GRIP1: variants seen among roughly 807,000 people sequenced by gnomAD.
The protein encoded by GRIP1 is glutamate receptor interacting protein 1.
Under a neutral mutation model 129.9 loss-of-function variants are expected in GRIP1, and 45 were observed. The ratio of observed to expected loss-of-function variants is 0.35; its 90% CI spans 0.27 to 0.44. GRIP1 has a LOEUF of 0.44. GRIP1 is among the 20% of genes least tolerant of loss of function. The pLI, the probability that GRIP1 is intolerant of heterozygous loss-of-function variation, is 1.00. For synonymous variants in GRIP1, 530 were observed against 520.8 expected (o/e 1.02, Z -0.24); for missense variants, 1,196 against 1,396.8 (o/e 0.86, Z 2.29).
At chr12:66,999,343 T>C (rs17103139) in intron 1 of GRIP1, among the ~76,000 whole-genome samples, 17,764 of 152,072 alleles carry the variant, frequency 0.12, 1,252 homozygotes, top group African/African-American at 0.19. Flanking sequence ...CATAAGGAAG[T>C]TGGAATTTCC....
chr12:66,359,706 A>G (rs559938007), intron 23 of GRIP1, among the ~76,000 whole-genome samples: 5 of 152,256 alleles, frequency 3.3e-5, no homozygotes, highest in Non-Finnish European at 7.3e-5. Flanking sequence ...AGCCAGCTAT[A>G]TGGTTCTCCT....
chr12:66,836,506 TC>T (rs2039616628), intron 1 of GRIP1, among the ~76,000 whole-genome samples: 1 of 152,058 alleles, frequency 6.6e-6, no homozygotes, highest in South Asian at 2.1e-4. Flanking sequence ...CTAAAAGAAT[TC>T]CCCCAACCAC....
At chr12:66,517,739 T>C (rs1365870999) in intron 6 of GRIP1, among the ~76,000 whole-genome samples, 162 bp downstream of exon 6, 3 of 152,200 alleles carry the variant, frequency 2.0e-5, no homozygotes, top group African/African-American at 7.2e-5. Flanking sequence ...CAAACCTTTT[T>C]TTTTTCTGAT....
chr12:67,039,003 T>C (rs1229943570), intron 1 of GRIP1, among the ~76,000 whole-genome samples: 3 of 131,818 alleles, frequency 2.3e-5, no homozygotes, highest in East Asian at 2.2e-4. Context: ...TAATAAGAAA[T>C]AGTCACAAAT....
chr12:66,959,742 A>T (rs964011752), intron 1 of GRIP1, among the ~76,000 whole-genome samples: 1 of 152,194 alleles, frequency 6.6e-6, no homozygotes, highest in Admixed American at 6.6e-5. Flanking sequence ...TTAATTTTTA[A>T]TTTTTTTAAA....
At chr12:66,787,776 C>A (rs2038400887) in intron 1 of GRIP1, among the ~76,000 whole-genome samples, 1 of 152,128 alleles carries the variant, frequency 6.6e-6, no homozygotes, top group Admixed American at 6.6e-5. Context: ...CTATAAGGTA[C>A]CCAGTCTATA....
intron 1 of GRIP1, among the ~76,000 whole-genome samples, chr12:66,708,956 T>G (rs1450810200): frequency 6.6e-6 from 1 of 151,834 alleles, no homozygotes; most frequent in African/African-American, 2.4e-5. Flanking sequence ...ATCAGATATA[T>G]TCTCTCTGAT....
At chr12:66,566,852 T>C (rs552645900) in intron 2 of GRIP1, among the ~76,000 whole-genome samples, 134 of 152,322 alleles carry the variant, frequency 8.8e-4, no homozygotes, top group African/African-American at 3.1e-3. Flanking sequence ...CTTCCTAGTT[T>C]AGTCTTGGGA....
chr12:66,466,886 T>C (rs893609536), intron 7 of GRIP1, among the ~76,000 whole-genome samples: 11 of 152,156 alleles, frequency 7.2e-5, no homozygotes, highest in Admixed American at 2.6e-4. Context: ...CACTCAGATA[T>C]AGTGAAATAG....
At chr12:66,723,304 C>T (rs71435316) in intron 1 of GRIP1, among the ~76,000 whole-genome samples, 12,439 of 57,880 alleles carry the variant, frequency 0.21, 1,360 homozygotes, top group African/African-American at 0.32. Flanking sequence ...TTCTTTCTTT[C>T]TTTTTTTTTT....
At chr12:66,821,592 T>A (rs1168939663) in intron 1 of GRIP1, among the ~76,000 whole-genome samples, 1 of 152,206 alleles carries the variant, frequency 6.6e-6, no homozygotes, top group African/African-American at 2.4e-5. Context: ...TAGTTGAAGT[T>A]TATATTTTAA....
chr12:66,486,243 T>C (rs1216892399), intron 7 of GRIP1, among the ~76,000 whole-genome samples: 1 of 151,834 alleles, frequency 6.6e-6, no homozygotes, highest in African/African-American at 2.4e-5. Flanking sequence ...GATTTCAGTA[T>C]TAAATTTGAT....
At chr12:66,710,579 C>A (rs2035680429) in intron 1 of GRIP1, among the ~76,000 whole-genome samples, 1 of 151,854 alleles carries the variant, frequency 6.6e-6, no homozygotes, top group African/African-American at 2.4e-5. Flanking sequence ...TGCAGGAAAC[C>A]AATGCACTTT....
chr12:66,539,007 G>T, intron 4 of GRIP1, 71 bp downstream of exon 4: 1 of 1,252,484 alleles, frequency 8.0e-7, no homozygotes, highest in Non-Finnish European at 1.2e-6. Flanking sequence ...TTGGTATTAT[G>T]AGCAGTTTTA....
At chr12:66,524,026 A>C (rs1456380657) in intron 5 of GRIP1, among the ~76,000 whole-genome samples, 2 of 152,188 alleles carry the variant, frequency 1.3e-5, no homozygotes, top group African/African-American at 4.8e-5. Flanking sequence ...CAGATTCATA[A>C]AGCAAGTCCT....
chr12:67,056,632 G>C (rs966053616), intron 1 of GRIP1, among the ~76,000 whole-genome samples: 5 of 152,124 alleles, frequency 3.3e-5, no homozygotes, highest in Admixed American at 6.5e-5. Flanking sequence ...AGGAGACATA[G>C]ACACTCAAGG....
At position 66,836,791 on chromosome 12, in the gene GRIP1, C is replaced by T. The variant is rs150277727; in HGVS notation, c.58+232259G>A. On this transcript the variant is annotated intron_variant, in intron 1 of 1. Transcript: ENST00000643019. The stretch of plus-strand genomic sequence containing the variant: ...AATGAGTACTATCATTAATAGGCCT[C>T]ATTTACAGGCTGGCAGCAGGTTGCC... 8.3e-4 allele frequency among the ~76,000 whole-genome samples: 127 copies of T among 152,258 alleles called. 2 individuals carry two copies. In the East Asian group the frequency reaches 0.022, roughly 26 times the overall value.
At chr12:66,875,880 A>C (rs1353857509) in intron 1 of GRIP1, among the ~76,000 whole-genome samples, 1 of 152,116 alleles carries the variant, frequency 6.6e-6, no homozygotes, top group Non-Finnish European at 1.5e-5. Flanking sequence ...GAAATCATTA[A>C]AGCAGCTAAA....
At chr12:66,392,547 T>C (rs759017866) in intron 18 of GRIP1, 45 bp from the exon 19 acceptor site, 2 of 1,594,832 alleles carry the variant, frequency 1.3e-6, no homozygotes, top group Non-Finnish European at 1.7e-6. Context: ...TAAATTTAAA[T>C]AAAAATATAC....
Sources: allele counts gnomAD v4.1 joint callset (sites outside exome capture counted in the v4.1 genomes callset), GRCh38; gene constraint gnomAD v4.1.1; transcripts MANE v1.5; gene names NCBI Gene and HGNC (gene_info 2026-07-23, HGNC 2026-07-21).